The following MYO10 variants were observed in gnomAD, a reference collection of about 807,000 sequenced individuals.
The protein encoded by MYO10 is unconventional myosin-X.
A neutral mutation model predicts 257.3 loss-of-function variants in MYO10; 133 were observed. The ratio of observed to expected loss-of-function variants is 0.52; its 90% CI spans 0.45 to 0.60. The LOEUF (loss-of-function observed/expected upper bound fraction) is 0.60, where lower values mean the gene tolerates loss of function less well. Among genes scored for constraint, MYO10 ranks in the 20% least tolerant of loss-of-function variants. The pLI is 0.00. For synonymous variants in MYO10, 1,104 were observed against 1,028.6 expected, an observed-to-expected ratio of 1.07 and a Z score of -1.40; for missense variants, 2,399 against 2,635.7, an observed-to-expected ratio of 0.91 and a Z score of 1.97.
At chr5:16,740,704 C>T (rs1277387145) in intron 19 of MYO10, among the ~76,000 whole-genome samples, 2 of 151,998 alleles carry the variant, frequency 1.3e-5, no homozygotes, top group Admixed American at 6.6e-5. Flanking sequence ...AGCAGCAATG[C>T]GGTTCCGGAC....
At chr5:16,850,632 G>C (rs1266281234) in intron 2 of MYO10, among the ~76,000 whole-genome samples, 1 of 151,830 alleles carries the variant, frequency 6.6e-6, no homozygotes, top group Non-Finnish European at 1.5e-5. Flanking sequence ...CAGTTAAATA[G>C]TATATGACTC....
At position 16,924,260 on chromosome 5, in the gene MYO10, A is replaced by G. The variant is rs141253047; in HGVS notation, c.21+11528T>C. On this transcript the variant is annotated intron_variant, in intron 1 of 40. Coordinates refer to ENST00000513610, the MANE Select transcript of MYO10 (RefSeq NM_012334.3). ...ATGTGAATCAAGAGCCTTGTTTGCA[A>G]TTAACAGAAAAGATGGCCTTCTCCT... Among the ~76,000 whole-genome samples the G allele has an allele frequency of 1.7e-4, 26 of 152,306 alleles. No individual in the cohort carries two copies. In the East Asian group the frequency reaches 4.4e-3, roughly 26 times the overall value.
rs1288854535 is a variant in MYO10, at chr5:16,663,850, T to A, written c.*2842A>T. 1 of 133,684 alleles carries A rather than the reference T, an allele frequency of 7.5e-6. No homozygotes were observed. Among genetic ancestry groups the A allele is most frequent in the Middle Eastern group, 4.2e-3 (1 of 236 alleles). The allele number at this position is 133,684 out of a possible 1,614,324, so 8.3% of individuals were successfully genotyped here. A position where few individuals can be genotyped will look rare whatever the true frequency, so the allele number is the denominator to read the frequency against. The stretch of plus-strand genomic sequence containing the variant: ...GTTCTATGCAAATATTATACCACTG[T>A]ATAGCAGGGACTTGAGCATCTGTGA... On this transcript the variant is annotated 3_prime_UTR_variant, in exon 41 of 41. Transcript: ENST00000513610.
At chr5:16,679,129 G>C (rs895397261) in intron 33 of MYO10, among the ~76,000 whole-genome samples, 17 of 152,212 alleles carry the variant, frequency 1.1e-4, no homozygotes, top group African/African-American at 4.1e-4. Flanking sequence ...AGGAGCTTCT[G>C]GAAGTTTGCA....
At chr5:16,810,288 C>G (rs27623) in intron 3 of MYO10, among the ~76,000 whole-genome samples, 60,746 of 151,900 alleles carry the variant, frequency 0.4, 12,780 homozygotes, top group Non-Finnish European at 0.47. Context: ...TTGACAAGAC[C>G]GGGAGACAGT....
intron 4 of MYO10, among the ~76,000 whole-genome samples, chr5:16,784,400 C>T (rs189253495): frequency 8.3e-4 from 126 of 152,306 alleles, no homozygotes; most frequent in African/African-American, 2.6e-3. Flanking sequence ...CTAGAAGGAC[C>T]GAAGGGTCCC....
At position 16,679,142 on chromosome 5, in the gene MYO10, T is replaced by G. The variant is rs182052821; in HGVS notation, c.4542+805A>C. Among the ~76,000 whole-genome samples, 3 of 152,358 alleles carry G rather than the reference T, an allele frequency of 2.0e-5. No homozygotes were observed. The East Asian group carries it at 5.8e-4, about 29-fold the overall frequency. On this transcript the variant is annotated intron_variant, in intron 33 of 40. Coordinates refer to ENST00000513610, the MANE Select transcript of MYO10 (RefSeq NM_012334.3). ...TCAGGAGCTTCTGGAAGTTTGCACG[T>G]GCCTGAGAGGGATGCCAAGTGTTCT...
At chr5:16,673,507 T>A (rs1446212559) in intron 36 of MYO10, among the ~76,000 whole-genome samples, 175 bp downstream of exon 36, 1 of 152,198 alleles carries the variant, frequency 6.6e-6, no homozygotes, top group Non-Finnish European at 1.5e-5. Context: ...TATATTTTTA[T>A]CTCTATATTC....
chr5:16,889,470 G>GA (rs1422721625), intron 1 of MYO10, among the ~76,000 whole-genome samples: 1 of 137,082 alleles, frequency 7.3e-6, no homozygotes, highest in Non-Finnish European at 1.6e-5. Flanking sequence ...GGGAAGGGAA[G>GA]AAAAGAAAGA....
At chr5:16,723,413 G>A (rs1170772597) in intron 19 of MYO10, among the ~76,000 whole-genome samples, 1 of 151,912 alleles carries the variant, frequency 6.6e-6, no homozygotes, top group Non-Finnish European at 1.5e-5. Flanking sequence ...AAATTAAAAC[G>A]ATAATGAAGT....
intron 9 of MYO10, among the ~76,000 whole-genome samples, chr5:16,771,074 A>G (rs1385273406): frequency 6.6e-6 from 1 of 152,212 alleles, no homozygotes; most frequent in Non-Finnish European, 1.5e-5. Flanking sequence ...GGCCAAGATT[A>G]ATTTCTTTAT....
At chr5:16,929,814 G>T (rs1428410338) in intron 1 of MYO10, among the ~76,000 whole-genome samples, 2 of 152,072 alleles carry the variant, frequency 1.3e-5, no homozygotes, top group Admixed American at 1.3e-4. Flanking sequence ...TTCAATCAGA[G>T]GTTGGTTGAA....
In MYO10 at chr5:16,701,909, A is replaced by G; in HGVS notation, c.2557-71T>C. 1 of 1,497,654 alleles carries G rather than the reference A, an allele frequency of 6.7e-7. No homozygotes were observed. The highest frequency in any genetic ancestry group is 1.4e-5 in the African/African-American group (1 of 71,502). The allele number at this position is 1,497,654 out of a possible 1,614,324, so 92.8% of individuals were successfully genotyped here. A position where few individuals can be genotyped will look rare whatever the true frequency, so the allele number is the denominator to read the frequency against. On this transcript the variant is annotated intron_variant, in intron 24 of 40. Transcript: ENST00000513610. The surrounding 1 kb of genome is among the most constrained non-coding windows in gnomAD (Gnocchi z 8.1). ...GTCCAAGCATAGCTCCCGCTTTGCA[A>G]CCAGGATGAAATATGGTCATTATGA... is the stretch of plus-strand genomic sequence containing the variant.
chr5:16,750,546 G>T (rs1426835061), intron 19 of MYO10, among the ~76,000 whole-genome samples: 1 of 152,142 alleles, frequency 6.6e-6, no homozygotes, highest in African/African-American at 2.4e-5. Flanking sequence ...GGGTAAAGGG[G>T]GTGTGCTCCC....
Position 16,758,114 on chromosome 5 carries a change from G to T in MYO10, c.1848+4C>A. The T allele has an allele frequency of 6.3e-7, 1 of 1,593,936 alleles. No individual in the cohort carries two copies. Among genetic ancestry groups the T allele is most frequent in the South Asian group, 1.1e-5 (1 of 90,650 alleles). ...ATTCCTCTAAGCCAGCAGTGAAAACGAACCTTGAACTGTGAGCTGACTGTA... is the reference window on the plus strand; with the variant it reads ...ATTCCTCTAAGCCAGCAGTGAAAACTAACCTTGAACTGTGAGCTGACTGTA... On this transcript the variant is annotated splice_donor_region_variant and intron_variant, in intron 18 of 40. Transcript: ENST00000513610.
Position 16,747,918 on chromosome 5 carries a change from C to CAAAAAAAAAAAAAAAAAA in MYO10, c.1929+6892_1929+6909dup, listed in dbSNP as rs777257950. Among the ~76,000 whole-genome samples the CAAAAAAAAAAAAAAAAAA allele has an allele frequency of 2.3e-3, 71 of 30,468 alleles. 1 individual carries two copies. Among genetic ancestry groups the CAAAAAAAAAAAAAAAAAA allele is most frequent in the Non-Finnish European group, 7.3e-3 (30 of 4,108 alleles). The allele number at this position is 30,468 out of a possible 152,430, so 20.0% of individuals were successfully genotyped here. A position where few individuals can be genotyped will look rare whatever the true frequency, so the allele number is the denominator to read the frequency against. On this transcript the variant is annotated intron_variant, in intron 19 of 40. Transcript: ENST00000513610. ...TGGGCGACAGAGCGAAACTCCGTCT[C>CAAAAAAAAAAAAAAAAAA]AAAAAAAAAAAAAAAAAAAAAAAAA...
intron 8 of MYO10, among the ~76,000 whole-genome samples, chr5:16,780,183 G>A (rs6888845): frequency 0.71 from 107,582 of 151,582 alleles, 39,416 homozygotes; most frequent in Non-Finnish European, 0.81. Flanking sequence ...TTACAGGTGT[G>A]TGCCACTGCA....
intron 3 of MYO10, among the ~76,000 whole-genome samples, chr5:16,809,335 G>A (rs374216626): frequency 2.0e-5 from 3 of 152,326 alleles, no homozygotes; most frequent in African/African-American, 4.8e-5. Flanking sequence ...TGAGAGGCGC[G>A]CTGTGACTTG....
At chr5:16,763,357 C>T (rs1671699909) in intron 14 of MYO10, 124 bp downstream of exon 14, 3 of 757,642 alleles carry the variant, frequency 4.0e-6, no homozygotes, top group Non-Finnish European at 6.8e-6. Context: ...CCAAATGGTC[C>T]ATTGTGTTCT....
Sources: allele counts gnomAD v4.1 joint callset (sites outside exome capture counted in the v4.1 genomes callset), GRCh38; gene constraint gnomAD v4.1.1; non-coding constraint Gnocchi (gnomAD v3.1); transcripts MANE v1.5; gene names NCBI Gene and HGNC (gene_info 2026-07-23, HGNC 2026-07-21).